FRK: variants seen among roughly 807,000 people sequenced by gnomAD.
FRK encodes the protein fyn related Src family tyrosine kinase, also known as tyrosine-protein kinase FRK.
A neutral mutation model predicts 56.4 loss-of-function variants in FRK; 51 were observed. That is an observed-to-expected ratio of 0.90 (90% CI 0.72 to 1.14). FRK has a LOEUF of 1.14. FRK is among the 50% of genes most tolerant of loss of function. The pLI is 0.00. For synonymous variants in FRK, 245 were observed against 217.9 expected, an observed-to-expected ratio of 1.12 and a Z score of -1.10; for missense variants, 570 against 601.4, an observed-to-expected ratio of 0.95 and a Z score of 0.55.
At chr6:116,096,881 C>A in the FRK span, among the ~76,000 whole-genome samples, 3 of 152,210 alleles carry the variant, frequency 2.0e-5, no homozygotes, top group African/African-American at 7.2e-5. Context: ...GTAACACTCA[C>A]CACAAAGGTC....
intron 4 of FRK, among the ~76,000 whole-genome samples, chr6:115,967,148 A>T (rs977919090): frequency 2.6e-5 from 4 of 152,220 alleles, no homozygotes; most frequent in Non-Finnish European, 5.9e-5. Flanking sequence ...TTTGCCTTTT[A>T]ACCATACAAA....
At chr6:115,971,811 G>A (rs961741620) in intron 2 of FRK, among the ~76,000 whole-genome samples, 4 of 152,194 alleles carry the variant, frequency 2.6e-5, no homozygotes, top group African/African-American at 9.6e-5. Flanking sequence ...AGGCAGCAGT[G>A]GAAACATGGT....
intron 1 of FRK, among the ~76,000 whole-genome samples, chr6:116,021,941 T>C (rs1206260743): frequency 6.6e-6 from 1 of 151,846 alleles, no homozygotes; most frequent in Non-Finnish European, 1.5e-5. Flanking sequence ...AACAAGATTG[T>C]TCAAGAAAAA....
At chr6:116,034,043 G>A (rs1776385281) in intron 1 of FRK, among the ~76,000 whole-genome samples, 1 of 152,132 alleles carries the variant, frequency 6.6e-6, no homozygotes, top group South Asian at 2.1e-4. Context: ...GCAAATGGAG[G>A]ATATTTGCTG....
intron 5 of FRK, among the ~76,000 whole-genome samples, 173 bp from the exon 6 acceptor site, chr6:115,944,598 G>T (rs1450784120): frequency 6.6e-6 from 1 of 152,102 alleles, no homozygotes; most frequent in African/African-American, 2.4e-5. Flanking sequence ...GCTGTGAAAG[G>T]TTAATAAGGC....
chr6:115,946,624 G>A lies in FRK; in HGVS notation c.959-2199C>T, dbSNP rs757346889. On this transcript the variant is annotated intron_variant, in intron 5 of 7. Coordinates refer to ENST00000606080, the MANE Select transcript of FRK (RefSeq NM_002031.3). ...ATGCAGCAAGAGATATAGATTTAACGATCATAAGTTACAAGTGGGAGTTAA... is the reference window on the plus strand; with the variant it reads ...ATGCAGCAAGAGATATAGATTTAACAATCATAAGTTACAAGTGGGAGTTAA... Among the ~76,000 whole-genome samples, 94 of 152,030 alleles carry A rather than the reference G, an allele frequency of 6.2e-4. 1 individual carries two copies. The highest frequency in any genetic ancestry group is 9.8e-4 in the Admixed American group (15 of 15,256).
In FRK at chr6:115,939,317, A is replaced by G. The variant is rs577639638; in HGVS notation, c.*3097T>C. ...ACTAAAAACTCTCAATAAACTAGGTATTGATGGAACGTAGCTCAAAAAAAA... is the reference window on the plus strand; with the variant it reads ...ACTAAAAACTCTCAATAAACTAGGTGTTGATGGAACGTAGCTCAAAAAAAA... On this transcript the variant is annotated 3_prime_UTR_variant, in exon 8 of 8. Transcript: ENST00000606080. 1 of 152,336 alleles carries G rather than the reference A, an allele frequency of 6.6e-6. No individual in the cohort carries two copies. Among genetic ancestry groups the G allele is most frequent in the African/African-American group, 2.4e-5 (1 of 41,574 alleles). The allele number at this position is 152,336 out of a possible 1,614,324, so 9.4% of individuals were successfully genotyped here.
At chr6:116,007,492 A>T (rs1457974726) in intron 1 of FRK, among the ~76,000 whole-genome samples, 2 of 152,226 alleles carry the variant, frequency 1.3e-5, no homozygotes, top group Non-Finnish European at 2.9e-5. Flanking sequence ...GAAGAGGATG[A>T]GTTGGGAACA....
chr6:115,991,096 C>T (rs1030978881), intron 2 of FRK, among the ~76,000 whole-genome samples: 1 of 151,700 alleles, frequency 6.6e-6, no homozygotes, highest in Non-Finnish European at 1.5e-5. Context: ...TATAAAGATG[C>T]AACTAATTTT....
chr6:116,021,096 G>T (rs1452084915), intron 1 of FRK, among the ~76,000 whole-genome samples: 1 of 151,058 alleles, frequency 6.6e-6, no homozygotes, highest in Non-Finnish European at 1.5e-5. Flanking sequence ...CTAAAAAGAT[G>T]AATTATAAAT....
At chr6:116,028,228 T>A (rs1582731194) in intron 1 of FRK, among the ~76,000 whole-genome samples, 1 of 152,276 alleles carries the variant, frequency 6.6e-6, no homozygotes, top group South Asian at 2.1e-4. Flanking sequence ...TGACAGGAAA[T>A]CACAATTTAT....
intron 4 of FRK, among the ~76,000 whole-genome samples, chr6:115,962,016 T>C (rs1773389268): frequency 8.5e-6 from 1 of 117,782 alleles, no homozygotes; most frequent in Non-Finnish European, 1.7e-5. Context: ...GCTAACATCA[T>C]AATGACAGGA....
rs1582621647 is a variant in FRK, at chr6:115,936,739, C to T, written c.*5675G>A. On this transcript the variant is annotated 3_prime_UTR_variant, in exon 8 of 8. Transcript: ENST00000606080. ...AGAAAGGATATCAAAGATTGAAGAT[C>T]AACTTAATGAAATAAAGGAGAAGAC... 6.6e-6 allele frequency: 1 copy of T among 151,932 alleles called. No individual in the cohort carries two copies. Among genetic ancestry groups the T allele is most frequent in the African/African-American group, 2.4e-5 (1 of 41,358 alleles). 9.4% of individuals were successfully genotyped at this position (151,932 alleles called of 1,614,324 possible). A position where few individuals can be genotyped will look rare whatever the true frequency, so the allele number is the denominator to read the frequency against.
intron 4 of FRK, among the ~76,000 whole-genome samples, chr6:115,963,063 A>T: frequency 1.7e-5 from 1 of 60,298 alleles, no homozygotes; most frequent in Non-Finnish European, 3.4e-5. Context: ...GAACTGAAGG[A>T]GATAGAGACA....
the FRK span, among the ~76,000 whole-genome samples, chr6:116,066,558 A>G: frequency 6.6e-6 from 1 of 152,006 alleles, no homozygotes; most frequent in Non-Finnish European, 1.5e-5. Flanking sequence ...TATCAATCAG[A>G]CCTGTGTTTT....
upstream of FRK, among the ~76,000 whole-genome samples, chr6:116,063,830 T>G (rs1777702250): frequency 1.3e-5 from 2 of 152,186 alleles, no homozygotes; most frequent in Middle Eastern, 3.4e-3. Flanking sequence ...AAGAAGGTAG[T>G]ATTTTTTTTT....
chr6:116,013,161 T>A (rs1034865198), intron 1 of FRK, among the ~76,000 whole-genome samples: 4 of 152,208 alleles, frequency 2.6e-5, no homozygotes, highest in Non-Finnish European at 4.4e-5. Flanking sequence ...TCATTTGTGC[T>A]TTCTTCACTG....
chr6:115,950,428 C>A (rs1204690594), intron 5 of FRK, among the ~76,000 whole-genome samples: 1 of 152,022 alleles, frequency 6.6e-6, no homozygotes, highest in Non-Finnish European at 1.5e-5. Flanking sequence ...TGAAAAAAAG[C>A]TCATCATCAC....
the FRK span, among the ~76,000 whole-genome samples, chr6:116,089,596 T>C: frequency 2.0e-5 from 3 of 152,244 alleles, no homozygotes; most frequent in Non-Finnish European, 2.9e-5. Context: ...CTTCTCACTG[T>C]GGCTTCACAT....
Sources: allele counts gnomAD v4.1 joint callset (sites outside exome capture counted in the v4.1 genomes callset), GRCh38; gene constraint gnomAD v4.1.1; transcripts MANE v1.5; gene names NCBI Gene and HGNC (gene_info 2026-07-23, HGNC 2026-07-21).